Variants in NWD1 observed in about 807,000 individuals in gnomAD.
NWD1 encodes NACHT and WD repeat domain containing 1, also known as NACHT domain- and WD repeat-containing protein 1.
In NWD1, 129 loss-of-function variants were observed where a neutral mutation model predicts 135.1. The observed-to-expected ratio is 0.96, with a 90% CI of 0.83 to 1.11. The LOEUF is 1.11. NWD1 is among the 50% of genes least tolerant of loss of function. NWD1 has a pLI of 0.00. For synonymous variants in NWD1, 773 were observed against 786.0 expected (o/e 0.98, Z 0.28); for missense variants, 1,740 against 1,851.3 (o/e 0.94, Z 1.10).
At chr19:16,748,295 G>A (rs890685059) in intron 5 of NWD1, among the ~76,000 whole-genome samples, 4 of 152,088 alleles carry the variant, frequency 2.6e-5, no homozygotes, top group Non-Finnish European at 5.9e-5. Context: ...GTTGATGGAT[G>A]TTTGGATTGT....
intron 14 of NWD1, 145 bp downstream of exon 14, chr19:16,791,767 G>T (rs546692567): frequency 1.7e-5 from 14 of 809,604 alleles, no homozygotes; most frequent in Non-Finnish European, 2.8e-5. Flanking sequence ...AGGCTGGAGT[G>T]CAATGGTGTA....
At position 16,722,443 on chromosome 19, in the gene NWD1, T is replaced by C. The variant is rs189744182; in HGVS notation, c.-104-1923T>C. Among the ~76,000 whole-genome samples, 15 of 151,774 alleles carry C rather than the reference T, an allele frequency of 9.9e-5. No homozygotes were observed. The East Asian group carries it at 2.8e-3, about 28-fold the overall frequency. On this transcript the variant is annotated intron_variant, in intron 1 of 18. Coordinates refer to ENST00000524140, the MANE Select transcript of NWD1 (RefSeq NM_001007525.5). ...TAGCTGGGATTACAGGCATGAACCATCACGCCCAGCTAATTTTGTATTTTT... is the reference window on the plus strand; with the variant it reads ...TAGCTGGGATTACAGGCATGAACCACCACGCCCAGCTAATTTTGTATTTTT...
Position 16,793,657 on chromosome 19 carries a change from ACCT to A in NWD1, c.3214-803_3214-801del, listed in dbSNP as rs200901631. Among the ~76,000 whole-genome samples the A allele has an allele frequency of 3.5e-3, 500 of 143,402 alleles. 3 individuals carry two copies. The highest frequency in any genetic ancestry group is 0.014 in the East Asian group (67 of 4,806). 94.1% of individuals were successfully genotyped at this position (143,402 alleles called of 152,430 possible). On this transcript the variant is annotated intron_variant, in intron 14 of 18. Coordinates refer to ENST00000524140, the MANE Select transcript of NWD1 (RefSeq NM_001007525.5). ...AGTGGCGCAATCTCGGCTCACTGAAACCTCCACCTCCCAGCTTCAAGCGATTCT... is the reference window on the plus strand; with the variant it reads ...AGTGGCGCAATCTCGGCTCACTGAAACCACCTCCCAGCTTCAAGCGATTCT...
At chr19:16,806,226 G>C (rs1228850591) in intron 17 of NWD1, among the ~76,000 whole-genome samples, 2 of 152,130 alleles carry the variant, frequency 1.3e-5, no homozygotes, top group African/African-American at 2.4e-5. Flanking sequence ...GCCAAGTACT[G>C]TTGGTGAGAA....
At chr19:16,738,003 A>AGAAAAGAAAAGAAGAAAAG (rs1555717608) in intron 4 of NWD1, among the ~76,000 whole-genome samples, 1 of 138,066 alleles carries the variant, frequency 7.2e-6, no homozygotes, top group Admixed American at 7.1e-5. Flanking sequence ...AAGAAAAGAA[A>AGAAAAGAAAAGAAGAAAAG]AGAAAAGAAA....
intron 18 of NWD1, chr19:16,812,804 C>A (rs766229748): frequency 2.6e-6 from 2 of 781,016 alleles, no homozygotes; most frequent in Non-Finnish European, 4.8e-6. Flanking sequence ...AGTATGTGTA[C>A]GTGGGCTTAA....
At chr19:16,758,041 G>C (rs1392009773) in intron 6 of NWD1, among the ~76,000 whole-genome samples, 1 of 142,800 alleles carries the variant, frequency 7.0e-6, no homozygotes, top group Non-Finnish European at 1.5e-5. Flanking sequence ...AACAGAGTGA[G>C]ACTCTGTCTC....
intron 3 of NWD1, among the ~76,000 whole-genome samples, chr19:16,734,875 T>C (rs1967729928): frequency 6.6e-6 from 1 of 152,086 alleles, no homozygotes; most frequent in Non-Finnish European, 1.5e-5. Flanking sequence ...GGTAAGCCAC[T>C]TTGCCCTGCC....
At chr19:16,731,407 A>G (rs536170402) in intron 3 of NWD1, 129 bp downstream of exon 3, 3 of 588,316 alleles carry the variant, frequency 5.1e-6, no homozygotes, top group Non-Finnish European at 9.2e-6. Flanking sequence ...CCCGGGTTCA[A>G]GCGATTCTCC....
chr19:16,788,046 T>C (rs1178884812), intron 12 of NWD1, among the ~76,000 whole-genome samples: 1 of 146,228 alleles, frequency 6.8e-6, no homozygotes, highest in Non-Finnish European at 1.5e-5. Flanking sequence ...CTGGCCAACA[T>C]GATGAAACTG....
intron 12 of NWD1, among the ~76,000 whole-genome samples, chr19:16,781,025 A>G (rs1969835703): frequency 6.6e-6 from 1 of 152,172 alleles, no homozygotes; most frequent in Non-Finnish European, 1.5e-5. Flanking sequence ...CAGTAAGGGT[A>G]AAGAATTGTG....
intron 12 of NWD1, among the ~76,000 whole-genome samples, chr19:16,786,624 G>A (rs1970049271): frequency 6.6e-6 from 1 of 151,774 alleles, no homozygotes; most frequent in African/African-American, 2.4e-5. Flanking sequence ...TTGGCTCACT[G>A]CAACCTCTGC....
Position 16,807,789 on chromosome 19 carries a change from C to G in NWD1, c.3940C>G (p.Leu1314Val). The change falls in exon 18 of 19, where the codon CTG becomes GTG. Residue 1314 changes from leucine to valine, a missense_variant. Leu to Val is a conservative substitution (Grantham distance 32, BLOSUM62 1). Transcript: ENST00000524140. ...CMSLSKCEDR[L>V]AIAYDNIVLV... ...GTCCCTGAGCAAGTGCGAGGACCGC[C>G]TGGCCATCGCCTATGACAACATCGT... The G allele has an allele frequency of 3.1e-6, 5 of 1,613,938 alleles. No individual in the cohort carries two copies. Among genetic ancestry groups the G allele is most frequent in the Non-Finnish European group, 3.4e-6 (4 of 1,179,830 alleles).
intron 15 of NWD1, among the ~76,000 whole-genome samples, chr19:16,795,388 G>C (rs564764390): frequency 5.3e-4 from 80 of 151,996 alleles, no homozygotes; most frequent in Non-Finnish European, 9.9e-4. Context: ...TGAAGCCCCA[G>C]AGGGGGTGTT....
rs564613896 is a variant in NWD1, at chr19:16,762,052, G to A, written c.2047G>A (p.Asp683Asn). The A allele has an allele frequency of 2.1e-5, 34 of 1,613,898 alleles. No homozygotes were observed. Among genetic ancestry groups the A allele is most frequent in the South Asian group, 4.4e-5 (4 of 91,080 alleles). The change falls in exon 8 of 19, where the codon GAC (aspartate) becomes AAC (asparagine). Residue 683 changes from aspartate to asparagine, a missense_variant. Transcript: ENST00000524140. ...AGCCAAGAGGCATGGCGTCCTGGCC[G>A]ACTTCTTCTCAGGGACCTGGAGCCA... ...ERAKRHGVLA[D>N]FFSGTWSQGT...
intron 12 of NWD1, among the ~76,000 whole-genome samples, chr19:16,782,855 C>T (rs2123010221): frequency 8.3e-6 from 1 of 120,910 alleles, no homozygotes; most frequent in South Asian, 2.7e-4. Context: ...TTCTTTCTTC[C>T]TTTTCCTTCT....
At chr19:16,794,680 C>A in intron 15 of NWD1, 127 bp downstream of exon 15, 5 of 685,928 alleles carry the variant, frequency 7.3e-6, no homozygotes, top group Non-Finnish European at 1.3e-5. Context: ...GCCAAATGGC[C>A]TCATAGTAAA....
At chr19:16,731,414 C>T (rs569276287) in intron 3 of NWD1, 136 bp downstream of exon 3, 19 of 578,928 alleles carry the variant, frequency 3.3e-5, no homozygotes, top group Non-Finnish European at 4.4e-5. Context: ...TCAAGCGATT[C>T]TCCTGCCTCA....
chr19:16,728,345 T>C, intron 2 of NWD1, among the ~76,000 whole-genome samples: 1 of 143,512 alleles, frequency 7.0e-6, no homozygotes, highest in East Asian at 2.1e-4. Flanking sequence ...AGTGCAGTGG[T>C]GCGATCTGGA....
Sources: gnomAD v4.1 joint callset for allele counts (sites outside exome capture counted in the v4.1 genomes callset) on GRCh38, gnomAD v4.1.1 for gene constraint, MANE v1.5 for transcripts, NCBI Gene and HGNC (gene_info 2026-07-23, HGNC 2026-07-21) for gene names.